RNF34: variants seen among roughly 807,000 people sequenced by gnomAD.
RNF34 encodes ring finger protein 34.
Under a neutral mutation model 37.9 loss-of-function variants are expected in RNF34, and 12 were observed. The ratio of observed to expected loss-of-function variants is 0.32; its 90% CI spans 0.20 to 0.51. RNF34 has a LOEUF of 0.51. RNF34 is among the 20% of genes least tolerant of loss of function. RNF34 has a pLI of 0.97. For synonymous variants in RNF34, 155 were observed against 177.2 expected (o/e 0.87, Z 1.00); for missense variants, 362 against 472.7 (o/e 0.77, Z 2.17).
chr12:121,421,371 T>TAAGAAA (rs1872117382), intron 5 of RNF34, among the ~76,000 whole-genome samples: 1 of 46,378 alleles, frequency 2.2e-5, no homozygotes, highest in Non-Finnish European at 4.4e-5. Context: ...ATCCCATCTC[T>TAAGAAA]AAAAAAAAAA....
At chr12:121,415,397 G>T (rs1265154871) in intron 1 of RNF34, 2 of 260,938 alleles carry the variant, frequency 7.7e-6, no homozygotes, top group Admixed American at 3.9e-5. Context: ...AAGGTAGGCA[G>T]ATCACTTGAG....
At chr12:121,420,473 G>T in intron 4 of RNF34, 104 bp from the exon 5 acceptor site, 2 of 1,568,654 alleles carry the variant, frequency 1.3e-6, no homozygotes, top group Non-Finnish European at 8.7e-7. Context: ...ACACTTCTAG[G>T]ACTGCTGAGA....
chr12:121,417,673 T>A lies in RNF34; in HGVS notation c.395T>A (p.Ile132Lys). The A allele has an allele frequency of 6.2e-7, 1 of 1,614,198 alleles. No homozygotes were observed. The highest frequency in any genetic ancestry group is 8.5e-7 in the Non-Finnish European group (1 of 1,180,032). ...DLRQYLILRN[I>K]PIDTCREKED... ...CGGCAGTATCTCATTCTGAGAAATA[T>A]ACCCATAGATACTTGTCGTGAGAAA... The change falls in exon 3 of 6, where the codon ATA becomes AAA. Residue 132 changes from isoleucine (I) to lysine (K), a missense_variant. Coordinates refer to ENST00000361234, the MANE Select transcript of RNF34 (RefSeq NM_025126.4). The surrounding 1 kb of genome is among the most constrained non-coding windows in gnomAD (Gnocchi z 5.0).
At chr12:121,420,177 A>G (rs1166435988) in intron 3 of RNF34, 65 bp from the exon 4 acceptor site, 1 of 1,463,672 alleles carries the variant, frequency 6.8e-7, no homozygotes, top group Non-Finnish European at 9.5e-7. Flanking sequence ...ATCAATGACA[A>G]GGTTTTCTCT....
chr12:121,402,148 GTA>G (rs781917173), intron 1 of RNF34, among the ~76,000 whole-genome samples: 33 of 152,242 alleles, frequency 2.2e-4, no homozygotes, highest in Middle Eastern at 3.4e-3. Flanking sequence ...AGCTAAGCAA[GTA>G]TACCTGGCCG....
intron 3 of RNF34, among the ~76,000 whole-genome samples, chr12:121,419,324 A>G (rs571056174): frequency 6.6e-6 from 1 of 152,348 alleles, no homozygotes; most frequent in African/African-American, 2.4e-5. Flanking sequence ...GTGGAAGTAC[A>G]CTGTGATGTT....
At chr12:121,422,868 T>C (rs1872283589) in intron 5 of RNF34, among the ~76,000 whole-genome samples, 1 of 152,162 alleles carries the variant, frequency 6.6e-6, no homozygotes, top group African/African-American at 2.4e-5. Flanking sequence ...TTGAGATGAT[T>C]CTAAGGCTAG....
chr12:121,417,390 C>A lies in RNF34; in HGVS notation c.226-114C>A. 1.3e-6 allele frequency: 1 copy of A among 796,266 alleles called. No individual in the cohort carries two copies. The highest frequency in any genetic ancestry group is 2.0e-6 in the Non-Finnish European group (1 of 505,352). The allele number at this position is 796,266 out of a possible 1,614,324, so 49.3% of individuals were successfully genotyped here. On this transcript the variant is annotated intron_variant, in intron 2 of 5. Coordinates refer to ENST00000361234, the MANE Select transcript of RNF34 (RefSeq NM_025126.4). The surrounding 1 kb of genome is among the most constrained non-coding windows in gnomAD (Gnocchi z 5.0). ...AAATACCTCTGGAAATAGTCTGGTGCCACTGGGGACTTCACTAAGAACTAA... is the reference window on the plus strand; with the variant it reads ...AAATACCTCTGGAAATAGTCTGGTGACACTGGGGACTTCACTAAGAACTAA...
chr12:121,421,389 AAAAAAAAAAC>A (rs1359187428), intron 5 of RNF34, among the ~76,000 whole-genome samples: 1 of 146,996 alleles, frequency 6.8e-6, no homozygotes, highest in African/African-American at 2.5e-5. Flanking sequence ...AAAAAAAAAA[AAAAAAAAAAC>A]CAAAAAAACC....
Position 121,423,584 on chromosome 12 carries a change from T to C in RNF34, c.*8T>C. On this transcript the variant is annotated 3_prime_UTR_variant, in exon 6 of 6. Coordinates refer to ENST00000361234, the MANE Select transcript of RNF34 (RefSeq NM_025126.4). The surrounding 1 kb of genome is among the most constrained non-coding windows in gnomAD (Gnocchi z 4.3). ...CACGTGTTCAAGTCCTGAAACAGGCTCCCCTCACCAGGACAGTCACCCCCA... is the reference window on the plus strand; with the variant it reads ...CACGTGTTCAAGTCCTGAAACAGGCCCCCCTCACCAGGACAGTCACCCCCA... The C allele has an allele frequency of 6.2e-7, 1 of 1,610,390 alleles. No homozygotes were observed. Among genetic ancestry groups the C allele is most frequent in the Non-Finnish European group, 8.5e-7 (1 of 1,177,530 alleles).
chr12:121,405,714 C>A (rs1870464007), intron 1 of RNF34, among the ~76,000 whole-genome samples: 1 of 151,998 alleles, frequency 6.6e-6, no homozygotes, highest in Non-Finnish European at 1.5e-5. Context: ...GAACTCCTGA[C>A]CTCAGATGAT....
intron 1 of RNF34, among the ~76,000 whole-genome samples, chr12:121,415,840 CTTTTT>C (rs782608817): frequency 2.8e-5 from 3 of 108,092 alleles, no homozygotes; most frequent in Non-Finnish European, 3.6e-5. Context: ...TTTGTCCAGT[CTTTTT>C]TTTTTTTTTT....
chr12:121,412,165 G>A (rs185979955), intron 1 of RNF34, among the ~76,000 whole-genome samples: 30 of 146,948 alleles, frequency 2.0e-4, no homozygotes, highest in Non-Finnish European at 3.7e-4. Context: ...GGGTTCAAGC[G>A]ATTCTCCTGC....
rs1871754961 is a variant in RNF34, at chr12:121,418,185, C to G, written c.633+274C>G. 7.4e-6 allele frequency: 3 copies of G among 404,172 alleles called. No homozygotes were observed. The South Asian group carries it at 1.2e-4, about 17-fold the overall frequency. The allele number at this position is 404,172 out of a possible 1,614,324, so 25.0% of individuals were successfully genotyped here. ...AATTTCTCTGTCTTACACAGTTAGA[C>G]ACTAACTGTTGAAGAAATGGCTGTG... is the stretch of plus-strand genomic sequence containing the variant. On this transcript the variant is annotated intron_variant, in intron 3 of 5. Coordinates refer to ENST00000361234, the MANE Select transcript of RNF34 (RefSeq NM_025126.4).
At chr12:121,421,384 A>C (rs1487287200) in intron 5 of RNF34, among the ~76,000 whole-genome samples, 35 of 148,714 alleles carry the variant, frequency 2.4e-4, no homozygotes, top group African/African-American at 7.3e-4. Flanking sequence ...AAAAAAAAAA[A>C]AAAAAAAAAA....
chr12:121,415,369 TG>T, intron 1 of RNF34: 1 of 310,406 alleles, frequency 3.2e-6, no homozygotes, highest in South Asian at 2.4e-5. Context: ...ACTTGTAATC[TG>T]AGCACTTCAG....
At chr12:121,403,240 C>G (rs542907333) in intron 1 of RNF34, among the ~76,000 whole-genome samples, 2 of 151,978 alleles carry the variant, frequency 1.3e-5, no homozygotes, top group African/African-American at 4.8e-5. Flanking sequence ...ACTAAAAATA[C>G]AAAAAATTAG....
intron 1 of RNF34, among the ~76,000 whole-genome samples, chr12:121,413,414 C>CCTTTTTTTTTT: frequency 1.0e-5 from 1 of 96,698 alleles, no homozygotes; most frequent in East Asian, 3.9e-4. Flanking sequence ...TTTTACCTGT[C>CCTTTTTTTTTT]CTTTTTTTTT....
At chr12:121,404,774 A>C (rs1334415027) in intron 1 of RNF34, 2 of 152,216 alleles carry the variant, frequency 1.3e-5, no homozygotes, top group African/African-American at 4.8e-5. Context: ...AATCATTAAA[A>C]GTTTAGGGTT....
Sources: allele counts gnomAD v4.1 joint callset (sites outside exome capture counted in the v4.1 genomes callset), GRCh38; gene constraint gnomAD v4.1.1; non-coding constraint Gnocchi (gnomAD v3.1); transcripts MANE v1.5; gene names NCBI Gene and HGNC (gene_info 2026-07-23, HGNC 2026-07-21).